The following ENKUR variants were observed in gnomAD, a reference collection of about 807,000 sequenced individuals.
ENKUR encodes enkurin, TRPC channel interacting protein, also known as enkurin.
Under a neutral mutation model 27.6 loss-of-function variants are expected in ENKUR, and 19 were observed. That is an observed-to-expected ratio of 0.69 (90% CI 0.48 to 1.01). ENKUR has a LOEUF of 1.01. ENKUR is among the 50% of genes least tolerant of loss of function. The probability of loss-of-function intolerance (pLI) is 0.00; values close to 1 mark genes in which losing one functional copy is unlikely to be tolerated. For synonymous variants in ENKUR, 117 were observed against 96.9 expected, an observed-to-expected ratio of 1.21 and a Z score of -1.22; for missense variants, 312 against 310.5, an observed-to-expected ratio of 1.00 and a Z score of -0.04.
intron 1 of ENKUR, among the ~76,000 whole-genome samples, chr10:25,006,969 A>T (rs1564341970): frequency 6.6e-6 from 1 of 152,224 alleles, no homozygotes; most frequent in African/African-American, 2.4e-5. Context: ...TTAAATTCTA[A>T]TACATTGAAC....
At chr10:24,985,348 T>A (rs899676843) in intron 4 of ENKUR, among the ~76,000 whole-genome samples, 1 of 152,234 alleles carries the variant, frequency 6.6e-6, no homozygotes, top group Non-Finnish European at 1.5e-5. Context: ...ATAAAAGACC[T>A]AATTCTGATG....
At chr10:24,989,293 T>C (rs897704058) in intron 4 of ENKUR, among the ~76,000 whole-genome samples, 7 of 152,210 alleles carry the variant, frequency 4.6e-5, no homozygotes, top group African/African-American at 1.7e-4. Context: ...CTTCCTCCTT[T>C]GCAGCAGACC....
upstream of ENKUR, among the ~76,000 whole-genome samples, chr10:25,017,092 G>A (rs141278381): frequency 1.3e-3 from 200 of 152,312 alleles, no homozygotes; most frequent in African/African-American, 4.7e-3. Context: ...TCTTCCCCGG[G>A]TCGGGACTCT....
At chr10:25,015,091 G>T (rs924224552) in intron 1 of ENKUR, among the ~76,000 whole-genome samples, 1 of 152,194 alleles carries the variant, frequency 6.6e-6, no homozygotes, top group African/African-American at 2.4e-5. Flanking sequence ...AGTCCTAGGA[G>T]AAATGAGATT....
upstream of ENKUR, among the ~76,000 whole-genome samples, chr10:25,018,046 G>GC (rs1365722168): frequency 6.6e-6 from 1 of 152,108 alleles, no homozygotes; most frequent in African/African-American, 2.4e-5. Context: ...GCACCAACTG[G>GC]CCTTTGGTAG....
intron 2 of ENKUR, among the ~76,000 whole-genome samples, chr10:25,057,110 G>T (rs560149874): frequency 3.8e-4 from 58 of 152,194 alleles, no homozygotes; most frequent in African/African-American, 1.3e-3. Flanking sequence ...TAGTTGGTGA[G>T]AAAAAGTAAA....
Position 25,028,580 on chromosome 10 carries a change from A to T in ENKUR, c.37+32532T>A, listed in dbSNP as rs535651494. On this transcript the variant is annotated intron_variant, in intron 2 of 5. Coordinates refer to the ENKUR transcript ENST00000615958. Reference sequence around the variant, plus strand: ...ATTTAGAGTCTTTCTGTACTTTAGCATAAGAACAAAATCTCTGTGAACATC... The same window carrying T: ...ATTTAGAGTCTTTCTGTACTTTAGCTTAAGAACAAAATCTCTGTGAACATC... Among the ~76,000 whole-genome samples, 12 of 152,304 alleles carry T rather than the reference A, an allele frequency of 7.9e-5. No individual in the cohort carries two copies. In the South Asian group the frequency reaches 2.5e-3, roughly 32 times the overall value.
At chr10:25,027,084 G>A (rs1373787124) in intron 2 of ENKUR, among the ~76,000 whole-genome samples, 1 of 151,926 alleles carries the variant, frequency 6.6e-6, no homozygotes, top group African/African-American at 2.4e-5. Flanking sequence ...GCTTGGCATG[G>A]TGGCTCACAC....
At position 24,995,903 on chromosome 10, in the gene ENKUR, AC is replaced by A. The variant is rs777149541; in HGVS notation, c.224-35del. ...TATAACATTTCTTTGTTAATATTAA[AC>A]TACAAACACTGCTACTCAGTGCTAT... On this transcript the variant is annotated intron_variant, in intron 2 of 5. Transcript: ENST00000331161. 26 of 1,517,684 alleles carry A rather than the reference AC, an allele frequency of 1.7e-5. No homozygotes were observed. The South Asian group carries it at 2.5e-4, about 14-fold the overall frequency. The allele number at this position is 1,517,684 out of a possible 1,614,324, so 94.0% of individuals were successfully genotyped here.
At position 25,027,356 on chromosome 10, in the gene ENKUR, TCAAAAAAAAAA is replaced by T. The variant is rs1289115907; in HGVS notation, c.38-31498_38-31488del. Among the ~76,000 whole-genome samples the T allele has an allele frequency of 1.7e-4, 8 of 45,730 alleles. 1 individual carries two copies. The highest frequency in any genetic ancestry group is 2.4e-4 in the African/African-American group (2 of 8,340). 30.0% of individuals were successfully genotyped at this position (45,730 alleles called of 152,430 possible). Reference sequence around the variant, plus strand: ...TGGGTGACAGAGCAAGACTCCCGTCTCAAAAAAAAAAAAAAAAAAAAAAAAAAAAAACTAGC... The same window carrying T: ...TGGGTGACAGAGCAAGACTCCCGTCTAAAAAAAAAAAAAAAAAAAACTAGC... On this transcript the variant is annotated intron_variant, in intron 2 of 5. Coordinates refer to the ENKUR transcript ENST00000615958.
intron 2 of ENKUR, chr10:25,025,743 T>TA (rs1850838486): frequency 3.2e-6 from 1 of 314,906 alleles, no homozygotes. Flanking sequence ...CCCTCACTGT[T>TA]ATGTGGACCA....
chr10:25,056,670 A>T (rs1280582592), intron 2 of ENKUR, among the ~76,000 whole-genome samples: 1 of 152,230 alleles, frequency 6.6e-6, no homozygotes, highest in East Asian at 1.9e-4. Context: ...CTTCTAATAA[A>T]AACAAGAGTA....
intron 3 of ENKUR, among the ~76,000 whole-genome samples, chr10:24,995,156 T>C (rs1180257155): frequency 6.6e-6 from 1 of 150,842 alleles, no homozygotes; most frequent in Non-Finnish European, 1.5e-5. Flanking sequence ...ACCAAATAAA[T>C]ATATTCATGT....
chr10:25,009,794 G>A (rs996014019), intron 1 of ENKUR, among the ~76,000 whole-genome samples: 3 of 151,948 alleles, frequency 2.0e-5, no homozygotes, highest in Non-Finnish European at 2.9e-5. Flanking sequence ...ATAAAGAGGC[G>A]TTCCCCTGCA....
At chr10:25,031,018 T>C (rs1850926834) in intron 2 of ENKUR, among the ~76,000 whole-genome samples, 1 of 152,176 alleles carries the variant, frequency 6.6e-6, no homozygotes, top group African/African-American at 2.4e-5. Flanking sequence ...CTCAGGAGGC[T>C]GAGGCAAGAG....
At chr10:24,997,001 G>A (rs1214219325) in intron 2 of ENKUR, among the ~76,000 whole-genome samples, 2 of 152,170 alleles carry the variant, frequency 1.3e-5, no homozygotes. Context: ...GGAAGAACAC[G>A]TAAAGATACA....
intron 2 of ENKUR, chr10:25,025,060 G>C (rs1397782212): frequency 1.9e-6 from 3 of 1,614,188 alleles, no homozygotes; most frequent in Admixed American, 1.7e-5. Flanking sequence ...ACTTCAGCAG[G>C]ATTTTGTAGC....
At chr10:25,003,573 ACACATAAAT>A (rs1850244322) in intron 1 of ENKUR, among the ~76,000 whole-genome samples, 1 of 152,212 alleles carries the variant, frequency 6.6e-6, no homozygotes, top group Non-Finnish European at 1.5e-5. Flanking sequence ...ATATCTTAAT[ACACATAAAT>A]CTTATTCTTT....
chr10:25,027,183 T>C (rs1398457315), intron 2 of ENKUR, among the ~76,000 whole-genome samples: 4 of 150,628 alleles, frequency 2.7e-5, no homozygotes, highest in African/African-American at 9.8e-5. Flanking sequence ...GGAGAAACCC[T>C]GTCTCTACTA....
Sources: allele counts gnomAD v4.1 joint callset (sites outside exome capture counted in the v4.1 genomes callset), GRCh38; gene constraint gnomAD v4.1.1; transcripts MANE v1.5; gene names NCBI Gene and HGNC (gene_info 2026-07-23, HGNC 2026-07-21).